BDH1: variants seen among roughly 807,000 people sequenced by gnomAD.
The protein encoded by BDH1 is D-beta-hydroxybutyrate dehydrogenase, mitochondrial.
A neutral mutation model predicts 33.1 loss-of-function variants in BDH1; 30 were observed. The observed-to-expected ratio is 0.91, with a 90% CI of 0.68 to 1.23. The LOEUF (loss-of-function observed/expected upper bound fraction) is 1.23, where lower values mean the gene tolerates loss of function less well. BDH1 is among the 50% of genes most tolerant of loss of function. The pLI is 0.00. For missense variants in BDH1, 443 were observed against 464.4 expected (o/e 0.95, Z 0.42); for synonymous variants, 190 against 183.6 (o/e 1.03, Z -0.28).
intron 2 of BDH1, among the ~76,000 whole-genome samples, chr3:197,552,103 C>T (rs911414849): frequency 2.0e-5 from 3 of 152,212 alleles, no homozygotes; most frequent in Admixed American, 6.5e-5. Context: ...ATGTTTACTA[C>T]GTATCTCAAA....
In BDH1 at chr3:197,533,565, C is replaced by T. The variant is rs1714895113; in HGVS notation, c.84-4G>A. 6.2e-7 allele frequency: 1 copy of T among 1,614,138 alleles called. No individual in the cohort carries two copies. The highest frequency in any genetic ancestry group is 8.5e-7 in the Non-Finnish European group (1 of 1,179,962). ...AGAACCAAGCAATAGTGGGCGTCTG[C>T]AAGAGAAAAGGAAGCCGTGAGTACA... On this transcript the variant is annotated splice_polypyrimidine_tract_variant and splice_region_variant and intron_variant, in intron 3 of 7. Transcript: ENST00000392379.
chr3:197,524,468 C>T (rs1713884750), intron 5 of BDH1, among the ~76,000 whole-genome samples: 1 of 152,168 alleles, frequency 6.6e-6, no homozygotes, highest in South Asian at 2.1e-4. Context: ...TCACATCATG[C>T]AATTTCAGAG....
At chr3:197,570,655 C>A (rs1717577921) in intron 1 of BDH1, among the ~76,000 whole-genome samples, 1 of 152,204 alleles carries the variant, frequency 6.6e-6, no homozygotes, top group Non-Finnish European at 1.5e-5. Context: ...TGGTGTTGAG[C>A]CTGTGGGTGC....
chr3:197,514,513 G>T lies in BDH1; in HGVS notation c.410-97C>A. On this transcript the variant is annotated intron_variant, in intron 6 of 7. Transcript: ENST00000392379. The surrounding 1 kb of genome is among the most constrained non-coding windows in gnomAD (Gnocchi z 4.2). ...CCAGCCTCCTCTCTGCTTCTTTCCT[G>T]TGACTTCCCAGCCTCTCGCCCAGTG... 7.3e-7 allele frequency: 1 copy of T among 1,369,424 alleles called. No homozygotes were observed. The highest frequency in any genetic ancestry group is 1.5e-5 in the South Asian group (1 of 66,756). The allele number at this position is 1,369,424 out of a possible 1,614,324, so 84.8% of individuals were successfully genotyped here.
chr3:197,572,528 G>A (rs1004717645), intron 1 of BDH1, among the ~76,000 whole-genome samples: 4 of 152,104 alleles, frequency 2.6e-5, no homozygotes, highest in African/African-American at 7.2e-5. Context: ...TTCTTTCCCA[G>A]TTCATCTGCA....
chr3:197,532,569 G>A (rs1395554534), intron 4 of BDH1, 47 bp from the exon 5 acceptor site: 2 of 1,447,372 alleles, frequency 1.4e-6, no homozygotes, highest in Non-Finnish European at 1.9e-6. Flanking sequence ...TGGTACAGGG[G>A]CAAAGTGACC....
intron 3 of BDH1, among the ~76,000 whole-genome samples, chr3:197,535,309 C>T (rs1350634536): frequency 6.6e-6 from 1 of 152,214 alleles, no homozygotes; most frequent in Non-Finnish European, 1.5e-5. Flanking sequence ...GATGTCCTAG[C>T]TGCTAGTCCT....
At chr3:197,529,818 T>C (rs1714474995) in intron 5 of BDH1, 1 of 152,180 alleles carries the variant, frequency 6.6e-6, no homozygotes, top group Admixed American at 6.5e-5. Flanking sequence ...GATATCAACA[T>C]AGTATGGGAA....
In BDH1 at chr3:197,512,055, C is replaced by G. The variant is rs775787132; in HGVS notation, c.872G>C (p.Gly291Ala). The G allele has an allele frequency of 1.9e-6, 3 of 1,614,156 alleles. No individual in the cohort carries two copies. The highest frequency in any genetic ancestry group is 1.7e-5 in the Admixed American group (1 of 60,018). ...GATGACAGGGGACGTGTCTGTGGAG[C>G]CACTGCTGCAGTAGGTCTCCATCTT... ...IAKMETYCSS[G>A]STDTSPVIDA... is the part of the protein sequence containing the mutation. The change falls in exon 8 of 8, where the codon GGC becomes GCC. Residue 291 changes from glycine to alanine, a missense_variant. Transcript: ENST00000392379.
intron 3 of BDH1, chr3:197,546,149 T>A (rs190305676): frequency 4.2e-4 from 189 of 454,364 alleles, no homozygotes; most frequent in Middle Eastern, 1.2e-3. Flanking sequence ...GAAAAAAAAA[T>A]AAGTGGTTAT....
chr3:197,539,190 C>T (rs771491952), intron 3 of BDH1, among the ~76,000 whole-genome samples: 2 of 152,084 alleles, frequency 1.3e-5, no homozygotes, highest in Non-Finnish European at 2.9e-5. Flanking sequence ...CTCTTGTCAC[C>T]CAGGCTAGAG....
chr3:197,535,908 G>A (rs1465436335), intron 3 of BDH1, among the ~76,000 whole-genome samples: 3 of 152,066 alleles, frequency 2.0e-5, no homozygotes, highest in African/African-American at 7.2e-5. Context: ...AGTCAGGTGT[G>A]GTGGCTCACG....
rs1713722420 is a variant in BDH1 at position 197,523,008 on chromosome 3, T to C, written c.268-227A>G. On this transcript the variant is annotated intron_variant, in intron 5 of 7. Transcript: ENST00000392379. The surrounding 1 kb of genome is among the most constrained non-coding windows in gnomAD (Gnocchi z 4.5). ...GCCACAGACACAACCATGAATAGGATGAAGAGCCGGCCCCCAAGGCCTCAA... is the reference window on the plus strand; with the variant it reads ...GCCACAGACACAACCATGAATAGGACGAAGAGCCGGCCCCCAAGGCCTCAA... The C allele has an allele frequency of 3.9e-6, 2 of 514,366 alleles. No individual in the cohort carries two copies. Among genetic ancestry groups the C allele is most frequent in the South Asian group, 6.9e-5 (2 of 28,784 alleles). 31.9% of individuals were successfully genotyped at this position (514,366 alleles called of 1,614,324 possible).
chr3:197,544,331 A>G (rs868818570), intron 3 of BDH1, among the ~76,000 whole-genome samples: 6 of 152,226 alleles, frequency 3.9e-5, no homozygotes, highest in South Asian at 2.1e-4. Flanking sequence ...AGAAGATTCC[A>G]AATTCCCTTT....
At position 197,514,328 on chromosome 3, in the gene BDH1, T is replaced by C; in HGVS notation, c.498A>G (p.Glu166=). The change falls in exon 7 of 8, where the codon GAA becomes GAG. Residue 166 remains glutamate, a synonymous_variant. Transcript: ENST00000392379. The surrounding 1 kb of genome is among the most constrained non-coding windows in gnomAD (Gnocchi z 4.2). ...TSLETYKQVA[E]VNLWGTVRMT... is the part of the protein sequence containing the mutation. The stretch of plus-strand genomic sequence containing the variant: ...TCCGCACTGTGCCCCAAAGGTTCAC[T>C]TCTGCCACCTGCTTGTAGGTCTCCA... 1 of 1,613,972 alleles carries C rather than the reference T, an allele frequency of 6.2e-7. No homozygotes were observed. The highest frequency in any genetic ancestry group is 2.2e-5 in the East Asian group (1 of 44,874).
At chr3:197,549,004 C>G (rs1482071444) in intron 2 of BDH1, among the ~76,000 whole-genome samples, 2 of 152,218 alleles carry the variant, frequency 1.3e-5, no homozygotes, top group Non-Finnish European at 1.5e-5. Flanking sequence ...GGGTAGCTGT[C>G]TGCCATCTTC....
upstream of BDH1, among the ~76,000 whole-genome samples, chr3:197,560,603 G>C (rs532688000): frequency 1.3e-5 from 2 of 152,306 alleles, no homozygotes; most frequent in African/African-American, 4.8e-5. Context: ...GCTGGTGAGT[G>C]TACCCTTTCT....
chr3:197,519,956 G>A (rs1443158897), intron 6 of BDH1, among the ~76,000 whole-genome samples: 1 of 152,152 alleles, frequency 6.6e-6, no homozygotes, highest in Non-Finnish European at 1.5e-5. Context: ...AGGCTGCAGG[G>A]CGTCAAACTC....
At chr3:197,542,922 AG>A (rs1715775716) in intron 3 of BDH1, 3 of 911,090 alleles carry the variant, frequency 3.3e-6, no homozygotes, top group African/African-American at 3.6e-5. Flanking sequence ...ACAGAATGAG[AG>A]GGAGGAAGTG....
Sources: allele counts gnomAD v4.1 joint callset (sites outside exome capture counted in the v4.1 genomes callset), GRCh38; gene constraint gnomAD v4.1.1; non-coding constraint Gnocchi (gnomAD v3.1); transcripts MANE v1.5; gene names NCBI Gene and HGNC (gene_info 2026-07-23, HGNC 2026-07-21).